The following BRCA1 variants were observed in gnomAD, a reference collection of about 807,000 sequenced individuals.
BRCA1 encodes BRCA1 DNA repair associated.
BRCA1 carries 140 observed loss-of-function variants against 173.7 expected under a neutral mutation model. The observed-to-expected ratio is 0.81, with a 90% CI of 0.70 to 0.93. BRCA1 has a LOEUF of 0.93. Among genes scored for constraint, BRCA1 ranks in the 40% least tolerant of loss-of-function variants. BRCA1 has a pLI of 0.00. For missense variants in BRCA1, 1,983 were observed against 2,172.5 expected, an observed-to-expected ratio of 0.91 and a Z score of 1.73; for synonymous variants, 662 against 756.0, an observed-to-expected ratio of 0.88 and a Z score of 2.04.
intron 1 of BRCA1, among the ~76,000 whole-genome samples, chr17:43,137,431 A>G (rs975608259): frequency 1.4e-5 from 2 of 141,706 alleles, no homozygotes; most frequent in African/African-American, 3.2e-5. Context: ...TATAATAATA[A>G]TTAAAAAAAA....
Position 43,149,060 on chromosome 17 carries a change from AC to A in BRCA1, c.-20+21065del, listed in dbSNP as rs1246115961. On this transcript the variant is annotated intron_variant, in intron 1 of 7. Coordinates refer to the BRCA1 transcript ENST00000634433. ...TATAATGGTGCAGTATTTGAATATA[AC>A]CAACACACATCCCCCCGCCACCACC... 3.3e-5 allele frequency among the ~76,000 whole-genome samples: 5 copies of A among 152,046 alleles called. No homozygotes were observed. The East Asian group carries it at 9.7e-4, about 29-fold the overall frequency.
chr17:43,169,202 G>A (rs1367291569), intron 1 of BRCA1, among the ~76,000 whole-genome samples: 1 of 152,044 alleles, frequency 6.6e-6, no homozygotes, highest in African/African-American at 2.4e-5. Context: ...TTTTTGAGAC[G>A]GAGTGTCGTT....
Position 43,122,041 on chromosome 17 carries a change from G to C in BRCA1, c.80+1976C>G, listed in dbSNP as rs1405779768. ...CTCTGGCTCTGATTTTCAATAAATT[G>C]ATAAATTGTGAATCCTGTTTTCCTC... is the stretch of plus-strand genomic sequence containing the variant. On this transcript the variant is annotated intron_variant, in intron 2 of 22. Transcript: ENST00000357654. 1.6e-4 allele frequency among the ~76,000 whole-genome samples: 24 copies of C among 152,070 alleles called. 1 individual carries two copies. Among genetic ancestry groups the C allele is most frequent in the Admixed American group, 1.6e-3 (24 of 15,260 alleles).
At chr17:43,096,845 TC>T (rs1384119679) in intron 8 of BRCA1, among the ~76,000 whole-genome samples, 7 of 152,298 alleles carry the variant, frequency 4.6e-5, no homozygotes, top group Non-Finnish European at 8.8e-5. Context: ...TATCCTAAAT[TC>T]CTTTGGACAG....
chr17:43,075,637 AC>A (rs1896365310), intron 13 of BRCA1, among the ~76,000 whole-genome samples: 2 of 151,370 alleles, frequency 1.3e-5, no homozygotes, highest in Middle Eastern at 3.4e-3. Flanking sequence ...GTCCCAGCTC[AC>A]TGCAACCTCT....
At chr17:43,113,323 T>C (rs779477237) in intron 3 of BRCA1, among the ~76,000 whole-genome samples, 2 of 152,160 alleles carry the variant, frequency 1.3e-5, no homozygotes, top group Non-Finnish European at 2.9e-5. Flanking sequence ...ACACAACTCC[T>C]ATACACATAT....
In BRCA1 at chr17:43,093,249, T is replaced by G. The variant is rs80356869; in HGVS notation, c.2282A>C (p.Glu761Ala). ...MLSGERVLQT[E>A]RSVESSSISL... ...AATACTGCTACTCTCTACAGATCTTTCAGTTTGCAAAACCCTTTCTCCACT... is the reference window on the plus strand; with the variant it reads ...AATACTGCTACTCTCTACAGATCTTGCAGTTTGCAAAACCCTTTCTCCACT... The change falls in exon 10 of 23, where the codon GAA becomes GCA. Residue 761 changes from glutamate to alanine, a missense_variant. Transcript: ENST00000357654. The G allele has an allele frequency of 6.2e-7, 1 of 1,614,086 alleles. No homozygotes were observed. Among genetic ancestry groups the G allele is most frequent in the African/African-American group, 1.3e-5 (1 of 75,054 alleles).
chr17:43,166,322 T>C (rs952908662), intron 1 of BRCA1: 1 of 152,428 alleles, frequency 6.6e-6, no homozygotes, highest in African/African-American at 2.4e-5. Context: ...AACCACTATG[T>C]GTTGGGGGTG....
chr17:43,128,023 CAAAAAA>C (rs61243891), upstream of BRCA1, among the ~76,000 whole-genome samples: 3 of 24,986 alleles, frequency 1.2e-4, no homozygotes, highest in African/African-American at 2.2e-4. Flanking sequence ...GACTCCATCT[CAAAAAA>C]AAAAAAAAAA....
chr17:43,106,122 A>T (rs928318619), intron 4 of BRCA1, among the ~76,000 whole-genome samples: 2 of 151,402 alleles, frequency 1.3e-5, no homozygotes, highest in African/African-American at 2.4e-5. Context: ...CTGTCTTAAA[A>T]AAAAAAAAAA....
intron 1 of BRCA1, among the ~76,000 whole-genome samples, chr17:43,153,046 T>C (rs937999818): frequency 6.6e-6 from 1 of 151,534 alleles, no homozygotes; most frequent in Non-Finnish European, 1.5e-5. Context: ...AAAATAATAA[T>C]AATAAAAATA....
intron 3 of BRCA1, among the ~76,000 whole-genome samples, chr17:43,109,569 AGTTTGGAAGATGAG>A (rs1415394858): frequency 6.6e-6 from 1 of 152,150 alleles, no homozygotes; most frequent in African/African-American, 2.4e-5. Flanking sequence ...ATGACTCTAT[AGTTTGGAAGATGAG>A]GCTGTCAAAA....
intron 1 of BRCA1, among the ~76,000 whole-genome samples, chr17:43,149,265 GTTTT>G (rs57452879): frequency 3.4e-5 from 4 of 116,910 alleles, no homozygotes; most frequent in African/African-American, 8.8e-5. Flanking sequence ...CACCGGGCTA[GTTTT>G]TTTTTTTTTT....
rs769589630 is a variant in BRCA1 at position 43,091,499 on chromosome 17, A to T, written c.4032T>A (p.Asp1344Glu). The change falls in exon 10 of 23, where the codon GAT becomes GAA. Residue 1344 changes from aspartate (D) to glutamate (E), a missense_variant. Physicochemically the swap from Asp to Glu is conservative, Grantham distance 45 (BLOSUM62 2). Transcript: ENST00000357654. ...GLSDKELVSD[D>E]EERGTGLEEN... ...CTTCCAAGCCCGTTCCTCTTTCTTC[A>T]TCATCTGAAACCAATTCCTTGTCAC... 2 of 1,613,500 alleles carry T rather than the reference A, an allele frequency of 1.2e-6. No individual in the cohort carries two copies. The highest frequency in any genetic ancestry group is 1.7e-6 in the Non-Finnish European group (2 of 1,179,598).
intron 3 of BRCA1, among the ~76,000 whole-genome samples, chr17:43,106,893 A>G (rs888439917): frequency 9.9e-5 from 15 of 152,198 alleles, no homozygotes; most frequent in African/African-American, 2.7e-4. Flanking sequence ...GATGCTTATA[A>G]TTAGTTTAAA....
At chr17:43,152,857 C>T (rs151301078) in intron 1 of BRCA1, among the ~76,000 whole-genome samples, 1,753 of 150,878 alleles carry the variant, frequency 0.012, 18 homozygotes, top group Non-Finnish European at 0.019. Context: ...AGCAAGACTC[C>T]GTCTCAAAAA....
chr17:43,132,250 A>G (rs908202464), intron 1 of BRCA1, among the ~76,000 whole-genome samples: 1 of 151,996 alleles, frequency 6.6e-6, no homozygotes, highest in African/African-American at 2.4e-5. Context: ...TCTTTCCTGA[A>G]CATCAATAAA....
intron 2 of BRCA1, among the ~76,000 whole-genome samples, chr17:43,119,515 A>T (rs1432918756): frequency 1.3e-5 from 2 of 152,206 alleles, no homozygotes; most frequent in Non-Finnish European, 1.5e-5. Context: ...TCACCCTGCC[A>T]GACTCCTTGG....
chr17:43,074,291 AAT>A, intron 14 of BRCA1, 38 bp downstream of exon 14: 2 of 1,608,256 alleles, frequency 1.2e-6, no homozygotes, highest in Non-Finnish European at 1.7e-6. Context: ...TTCAGAGTAA[AAT>A]CAAAGTGTTT....
Sources: allele counts gnomAD v4.1 joint callset (sites outside exome capture counted in the v4.1 genomes callset), GRCh38; gene constraint gnomAD v4.1.1; transcripts MANE v1.5; gene names NCBI Gene and HGNC (gene_info 2026-07-23, HGNC 2026-07-21).